DBX2: variants seen among roughly 807,000 people sequenced by gnomAD.
DBX2 encodes the protein homeobox protein DBX2.
A neutral mutation model predicts 17.7 loss-of-function variants in DBX2; 16 were observed. The observed-to-expected ratio is 0.90, with a 90% confidence interval of 0.61 to 1.37. The LOEUF is 1.37. Among genes scored for constraint, DBX2 ranks in the 40% most tolerant of loss-of-function variants. The pLI is 0.00. For missense variants in DBX2, 538 were observed against 433.8 expected (o/e 1.24, Z -2.13); for synonymous variants, 255 against 183.8 (o/e 1.39, Z -3.13).
intron 2 of DBX2, among the ~76,000 whole-genome samples, chr12:45,026,148 A>G (rs1220875007): frequency 1.3e-5 from 2 of 152,180 alleles, no homozygotes; most frequent in African/African-American, 4.8e-5. Context: ...CAGAGTGAGT[A>G]GCAGGTGCCT....
intron 1 of DBX2, among the ~76,000 whole-genome samples, chr12:45,039,435 C>T (rs907156099): frequency 2.0e-5 from 3 of 150,702 alleles, no homozygotes; most frequent in Non-Finnish European, 4.4e-5. Context: ...GCTGTAAACC[C>T]TTAAGAATTA....
intron 2 of DBX2, among the ~76,000 whole-genome samples, chr12:45,025,714 A>T (rs1946377767): frequency 7.1e-6 from 1 of 141,550 alleles, no homozygotes; most frequent in South Asian, 2.3e-4. Flanking sequence ...GGTGCTTAAT[A>T]ATTATTTACT....
chr12:45,040,235 TC>T (rs1230205782), intron 1 of DBX2, among the ~76,000 whole-genome samples: 3 of 152,140 alleles, frequency 2.0e-5, no homozygotes, highest in African/African-American at 7.2e-5. Flanking sequence ...TACATCTTTC[TC>T]CCGTGCTTCC....
Position 45,051,018 on chromosome 12 carries a change from C to T in DBX2, c.-91G>A. On this transcript the variant is annotated 5_prime_UTR_variant, in exon 1 of 4. Coordinates refer to ENST00000332700, the MANE Select transcript of DBX2 (RefSeq NM_001004329.3). ...CCGCACCCAGAGCCGCAGCTTCTCG[C>T]CGCCGCCTCCCGCAGGGCTGGAGCG... 1 of 1,298,214 alleles carries T rather than the reference C, an allele frequency of 7.7e-7. No individual in the cohort carries two copies. The highest frequency in any genetic ancestry group is 2.5e-5 in the South Asian group (1 of 40,286). 80.4% of individuals were successfully genotyped at this position (1,298,214 alleles called of 1,614,324 possible).
intron 3 of DBX2, among the ~76,000 whole-genome samples, chr12:45,021,025 T>C (rs1044465284): frequency 6.6e-6 from 1 of 152,156 alleles, no homozygotes; most frequent in African/African-American, 2.4e-5. Flanking sequence ...AAATACCACG[T>C]AATTGATATA....
At chr12:45,019,973 T>C (rs1202609492) in intron 3 of DBX2, among the ~76,000 whole-genome samples, 1 of 152,150 alleles carries the variant, frequency 6.6e-6, no homozygotes. Context: ...TACTGTTAAG[T>C]AAAAGAAGCA....
chr12:45,030,814 T>TCATTATTTAGTAAAAA (rs1565582967), intron 2 of DBX2, among the ~76,000 whole-genome samples: 2 of 152,168 alleles, frequency 1.3e-5, no homozygotes, highest in Admixed American at 1.3e-4. Flanking sequence ...TAGTAAAAAA[T>TCATTATTTAGTAAAAA]ATCATTATTT....
intron 2 of DBX2, among the ~76,000 whole-genome samples, chr12:45,029,264 A>G (rs1347595153): frequency 6.6e-6 from 1 of 152,190 alleles, no homozygotes; most frequent in Non-Finnish European, 1.5e-5. Flanking sequence ...AGGCTCTATC[A>G]ATTCGAGGAT....
intron 2 of DBX2, among the ~76,000 whole-genome samples, chr12:45,026,851 T>A (rs941815687): frequency 6.6e-6 from 1 of 152,218 alleles, no homozygotes; most frequent in Non-Finnish European, 1.5e-5. Flanking sequence ...CTACTTTCAT[T>A]GATGCCCTTC....
intron 1 of DBX2, among the ~76,000 whole-genome samples, chr12:45,043,079 T>C (rs190791563): frequency 6.6e-6 from 1 of 152,312 alleles, no homozygotes; most frequent in Admixed American, 6.5e-5. Context: ...GCTATACCAC[T>C]CTGTGTGATT....
At chr12:45,024,171 G>A (rs115245615) in intron 2 of DBX2, among the ~76,000 whole-genome samples, 7 of 152,036 alleles carry the variant, frequency 4.6e-5, no homozygotes, top group African/African-American at 7.3e-5. Flanking sequence ...GAGGTCTCAC[G>A]AGATCTGATG....
At chr12:45,042,585 G>T (rs1360123513) in intron 1 of DBX2, among the ~76,000 whole-genome samples, 1 of 152,194 alleles carries the variant, frequency 6.6e-6, no homozygotes, top group Non-Finnish European at 1.5e-5. Context: ...TGGAATGAAG[G>T]CCTTAAAGGC....
rs1327326009 is a variant in DBX2 at position 45,050,618 on chromosome 12, C to A, written c.310G>T (p.Ala104Ser). ...GCAGAGGGACTGAGCACTTGAAAAG[C>A]CCACCGCGTTCCGTAGGGCGCCCCG... ...PAGAPYGTRWAFQVLSPSADS... is the reference protein window; with the variant it reads ...PAGAPYGTRWSFQVLSPSADS... Residue 104 changes from alanine (A) to serine (S), a missense_variant, in exon 1 of 4, where the codon GCT (alanine) becomes TCT (serine). By Grantham distance (99) the Ala-to-Ser change is moderately conservative. Coordinates refer to ENST00000332700, the MANE Select transcript of DBX2 (RefSeq NM_001004329.3). 6 of 1,550,380 alleles carry A rather than the reference C, an allele frequency of 3.9e-6. No homozygotes were observed. Among genetic ancestry groups the A allele is most frequent in the Non-Finnish European group, 5.2e-6 (6 of 1,147,184 alleles).
At chr12:45,024,271 C>A (rs1296644378) in intron 2 of DBX2, among the ~76,000 whole-genome samples, 1 of 152,210 alleles carries the variant, frequency 6.6e-6, no homozygotes, top group Non-Finnish European at 1.5e-5. Context: ...CTTGCTTCCC[C>A]TTCTCCCACG....
chr12:45,025,221 G>A (rs559168230), intron 2 of DBX2, among the ~76,000 whole-genome samples: 1 of 152,254 alleles, frequency 6.6e-6, no homozygotes, highest in African/African-American at 2.4e-5. Flanking sequence ...CCTTATAATT[G>A]GAAGAGGGAG....
intron 3 of DBX2, 124 bp downstream of exon 3, chr12:45,023,583 G>T: frequency 1.8e-6 from 2 of 1,112,768 alleles, no homozygotes; most frequent in Non-Finnish European, 2.6e-6. Flanking sequence ...TAAATAAATG[G>T]ATTCCATTGT....
chr12:45,050,569 C>A lies in DBX2; in HGVS notation c.359G>T (p.Arg120Leu). 6.4e-7 allele frequency: 1 copy of A among 1,552,462 alleles called. No homozygotes were observed. Among genetic ancestry groups the A allele is most frequent in the Non-Finnish European group, 8.7e-7 (1 of 1,148,712 alleles). Residue 120 changes from arginine (R) to leucine (L), a missense_variant, in exon 1 of 4, where the codon CGG (arginine) becomes CTG (leucine). Arg to Leu is a moderately radical substitution (Grantham distance 102). Transcript: ENST00000332700. ...PSADSARLPG[R>L]APGDRDCTFQ... ...GGTACAGTCTCGGTCCCCCGGAGCC[C>A]GGCCCGGCAGCCTCGCACTGTCCGC...
intron 2 of DBX2, among the ~76,000 whole-genome samples, chr12:45,029,771 G>A (rs929016832): frequency 1.3e-5 from 2 of 151,858 alleles, no homozygotes; most frequent in South Asian, 2.1e-4. Flanking sequence ...GCTGAAGCAG[G>A]AATAAGTGCT....
chr12:45,018,312 A>G (rs1302998348), intron 3 of DBX2, among the ~76,000 whole-genome samples: 3 of 152,156 alleles, frequency 2.0e-5, no homozygotes, highest in Admixed American at 2.0e-4. Flanking sequence ...GTATATCTAT[A>G]AATATTTGTT....
Sources: gnomAD v4.1 joint callset for allele counts (sites outside exome capture counted in the v4.1 genomes callset) on GRCh38, gnomAD v4.1.1 for gene constraint, MANE v1.5 for transcripts, NCBI Gene and HGNC (gene_info 2026-07-23, HGNC 2026-07-21) for gene names.